The following PLAG1 variants were observed in gnomAD, a reference collection of about 807,000 sequenced individuals.
PLAG1 encodes the protein PLAG1 zinc finger.
In PLAG1, 7 loss-of-function variants were observed where a neutral mutation model predicts 35.5. That is an observed-to-expected ratio of 0.20 (90% confidence interval 0.11 to 0.37). PLAG1 has a LOEUF of 0.37. PLAG1 is among the 10% of genes least tolerant of loss of function. The pLI, the probability that PLAG1 is intolerant of heterozygous loss-of-function variation, is 1.00. For synonymous variants in PLAG1, 229 were observed against 225.4 expected (o/e 1.02, Z -0.14); for missense variants, 454 against 602.8 (o/e 0.75, Z 2.58).
At chr8:56,171,872 A>T (rs946176476) in intron 2 of PLAG1, among the ~76,000 whole-genome samples, 1 of 152,214 alleles carries the variant, frequency 6.6e-6, no homozygotes, top group African/African-American at 2.4e-5. Context: ...GAAAACTCTT[A>T]AAGTAGCTTA....
At chr8:56,170,824 T>C (rs1811503544) in intron 3 of PLAG1, among the ~76,000 whole-genome samples, 1 of 152,224 alleles carries the variant, frequency 6.6e-6, no homozygotes, top group Non-Finnish European at 1.5e-5. Flanking sequence ...CTGTTATCTT[T>C]GGATGTACAT....
chr8:56,206,775 T>C (rs1246498329), intron 1 of PLAG1, among the ~76,000 whole-genome samples: 1 of 151,982 alleles, frequency 6.6e-6, no homozygotes, highest in African/African-American at 2.4e-5. Flanking sequence ...CTGATATAGT[T>C]TCAAAGTATT....
chr8:56,196,317 C>G (rs944611030), intron 1 of PLAG1, among the ~76,000 whole-genome samples: 1 of 152,130 alleles, frequency 6.6e-6, no homozygotes, highest in South Asian at 2.1e-4. Flanking sequence ...ATTGGTTTAA[C>G]CAAGGGGTTC....
chr8:56,201,055 C>T (rs550764776), intron 1 of PLAG1, among the ~76,000 whole-genome samples: 1 of 151,906 alleles, frequency 6.6e-6, no homozygotes, highest in Admixed American at 6.5e-5. Context: ...GAGAGAAATC[C>T]CCAAATCCCC....
Position 56,167,459 on chromosome 8 carries a change from T to C in PLAG1, c.287A>G (p.Tyr96Cys), listed in dbSNP as rs148894075. The change falls in exon 5 of 5, where the codon TAT becomes TGT. Residue 96 changes from tyrosine to cysteine, a missense_variant. Transcript: ENST00000316981. This position sits in a 1 kb window ranked among gnomAD's most constrained non-coding sequence, Gnocchi z 5.9. Reference sequence around the variant, plus strand: ...TTTCCGGTGAAACATTTTCTCACAATAATTACACTTGTGGGTTTTCTCAGG... The same window carrying C: ...TTTCCGGTGAAACATTTTCTCACAACAATTACACTTGTGGGTTTTCTCAGG... Reference protein sequence around the residue: ...HSPEKTHKCNYCEKMFHRKDH... With the variant: ...HSPEKTHKCNCCEKMFHRKDH... 1 of 1,612,140 alleles carries C rather than the reference T, an allele frequency of 6.2e-7. No individual in the cohort carries two copies. The highest frequency in any genetic ancestry group is 8.5e-7 in the Non-Finnish European group (1 of 1,178,688).
At chr8:56,204,089 C>A (rs943420416) in intron 1 of PLAG1, among the ~76,000 whole-genome samples, 1 of 151,782 alleles carries the variant, frequency 6.6e-6, no homozygotes, top group African/African-American at 2.4e-5. Context: ...TTGTGTAACA[C>A]AGAATAATGG....
At chr8:56,197,892 G>A (rs947698707) in intron 1 of PLAG1, among the ~76,000 whole-genome samples, 1 of 152,128 alleles carries the variant, frequency 6.6e-6, no homozygotes, top group Admixed American at 6.5e-5. Flanking sequence ...GAACAGGGTG[G>A]GTAGGGAGCA....
chr8:56,166,621 T>C lies in PLAG1; in HGVS notation c.1125A>G (p.Gln375=), dbSNP rs1811362393. The change falls in exon 5 of 5, where the codon CAA becomes CAG. Residue 375 remains glutamine (Q), a synonymous_variant. Transcript: ENST00000316981. ...GGVPSSSQDS[Q]ASSSSKLGLD... ...ACCCTAGCTTAGATGATGACGATGCTTGAGAATCTTGGGATGAAGAGGGCA... is the reference window on the plus strand; with the variant it reads ...ACCCTAGCTTAGATGATGACGATGCCTGAGAATCTTGGGATGAAGAGGGCA... 6.2e-7 allele frequency: 1 copy of C among 1,614,114 alleles called. No individual in the cohort carries two copies. The highest frequency in any genetic ancestry group is 8.5e-7 in the Non-Finnish European group (1 of 1,180,004).
chr8:56,177,669 T>G (rs992427488), intron 2 of PLAG1, among the ~76,000 whole-genome samples: 4 of 152,206 alleles, frequency 2.6e-5, no homozygotes, highest in African/African-American at 9.7e-5. Context: ...CCCTAGCATG[T>G]AGCAGACATT....
chr8:56,173,637 G>A (rs1252068653), intron 2 of PLAG1, among the ~76,000 whole-genome samples: 1 of 150,750 alleles, frequency 6.6e-6, no homozygotes, highest in Non-Finnish European at 1.5e-5. Context: ...TTCAAGTGAC[G>A]AAAATTCTCC....
At chr8:56,198,709 T>C (rs1205114245) in intron 1 of PLAG1, among the ~76,000 whole-genome samples, 3 of 152,284 alleles carry the variant, frequency 2.0e-5, no homozygotes, top group Non-Finnish European at 2.9e-5. Context: ...CAGGCCTCTA[T>C]ACAAAGGGCC....
intron 2 of PLAG1, among the ~76,000 whole-genome samples, chr8:56,174,175 G>A (rs529139855): frequency 6.6e-6 from 1 of 152,272 alleles, no homozygotes; most frequent in South Asian, 2.1e-4. Flanking sequence ...TTCAGAAGAT[G>A]TCAAAAAATT....
intron 1 of PLAG1, among the ~76,000 whole-genome samples, chr8:56,194,868 A>G (rs1476251549): frequency 6.6e-6 from 1 of 152,130 alleles, no homozygotes; most frequent in Non-Finnish European, 1.5e-5. Flanking sequence ...GGCTGAAGGG[A>G]AGAAGTCAGT....
intron 1 of PLAG1, among the ~76,000 whole-genome samples, chr8:56,185,006 G>A (rs1010384620): frequency 4.6e-5 from 7 of 152,050 alleles, no homozygotes; most frequent in Admixed American, 6.6e-5. Context: ...TTCCTATAAT[G>A]GGCTACTAAT....
At chr8:56,186,538 A>C (rs1003808396) in intron 1 of PLAG1, among the ~76,000 whole-genome samples, 1 of 151,222 alleles carries the variant, frequency 6.6e-6, no homozygotes, top group African/African-American at 2.4e-5. Flanking sequence ...CGCCCAACTA[A>C]TTTTTTGTAT....
Position 56,181,790 on chromosome 8 carries a change from T to C in PLAG1, c.-321-2277A>G, listed in dbSNP as rs183510869. On this transcript the variant is annotated intron_variant, in intron 1 of 4. Transcript: ENST00000316981. ...ATGTTAAATAAGATCTGCCATAACG[T>C]GGTATCAGAGTGACAAATCAACATT... is the stretch of plus-strand genomic sequence containing the variant. Among the ~76,000 whole-genome samples, 418 of 152,304 alleles carry C rather than the reference T, an allele frequency of 2.7e-3. 1 individual carries two copies. Among genetic ancestry groups the C allele is most frequent in the Non-Finnish European group, 5.0e-3 (343 of 68,024 alleles).
rs370191600 is a variant in PLAG1, at chr8:56,193,643, T to C, written c.-321-14130A>G. Among the ~76,000 whole-genome samples the C allele has an allele frequency of 1.2e-4, 18 of 152,102 alleles. No homozygotes were observed. In the East Asian group the frequency reaches 1.9e-3, roughly 16 times the overall value. ...TATTTCTAAGCATTCGAGACTGATG[T>C]ACAAGTGACACAGTAACAAATGTTT... On this transcript the variant is annotated intron_variant, in intron 1 of 4. Transcript: ENST00000316981.
At position 56,166,602 on chromosome 8, in the gene PLAG1, G is replaced by A. The variant is rs763407619; in HGVS notation, c.1144C>T (p.Leu382=). Residue 382 remains leucine, a synonymous_variant, in exon 5 of 5, where the codon CTA becomes TTA. Transcript: ENST00000316981. ...GACCCAATCTGAGGATCCAACCCTA[G>A]CTTAGATGATGACGATGCTTGAGAA... The part of the protein sequence containing the change: ...QDSQASSSSK[L]GLDPQIGSLD... 6.2e-7 allele frequency: 1 copy of A among 1,614,102 alleles called. No homozygotes were observed. The highest frequency in any genetic ancestry group is 1.1e-5 in the South Asian group (1 of 91,074).
intron 1 of PLAG1, among the ~76,000 whole-genome samples, chr8:56,185,008 G>T (rs1020491229): frequency 1.3e-5 from 2 of 152,100 alleles, no homozygotes; most frequent in Non-Finnish European, 2.9e-5. Context: ...CCTATAATGG[G>T]CTACTAATCA....
Sources: allele counts gnomAD v4.1 joint callset (sites outside exome capture counted in the v4.1 genomes callset), GRCh38; gene constraint gnomAD v4.1.1; non-coding constraint Gnocchi (gnomAD v3.1); transcripts MANE v1.5; gene names NCBI Gene and HGNC (gene_info 2026-07-23, HGNC 2026-07-21).